Variants in GPHN observed in about 807,000 individuals in gnomAD.
GPHN encodes gephyrin.
GPHN carries 17 observed loss-of-function variants against 95.5 expected under a neutral mutation model. The ratio of observed to expected loss-of-function variants is 0.18; its 90% CI spans 0.12 to 0.27. The LOEUF is 0.27. Among genes scored for constraint, GPHN ranks in the 10% least tolerant of loss-of-function variants. GPHN has a pLI of 1.00. For missense variants in GPHN, 660 were observed against 978.1 expected (o/e 0.67, Z 4.34); for synonymous variants, 320 against 322.5 (o/e 0.99, Z 0.08).
chr14:67,097,228 A>G (rs1311133153), intron 12 of GPHN, among the ~76,000 whole-genome samples: 1 of 152,216 alleles, frequency 6.6e-6, no homozygotes, highest in African/African-American at 2.4e-5. Flanking sequence ...GGAGTCAGAT[A>G]TGACTTCACA....
intron 11 of GPHN, among the ~76,000 whole-genome samples, chr14:67,088,068 T>G (rs2076981914): frequency 6.6e-6 from 1 of 152,212 alleles, no homozygotes; most frequent in African/African-American, 2.4e-5. Flanking sequence ...AGGTTACTAG[T>G]GCTCTTCTTA....
chr14:66,598,867 C>CAGT (rs1470662622), intron 1 of GPHN, among the ~76,000 whole-genome samples: 18 of 149,744 alleles, frequency 1.2e-4, no homozygotes, highest in African/African-American at 3.2e-4. Flanking sequence ...GAAAGAAATT[C>CAGT]AGTAGCCATT....
rs185260724 is a variant in GPHN, at chr14:66,880,912, G to A, written c.389+879G>A. ...AGTGTCAACTTAGTCAGAAACTGTT[G>A]AAGGATTTAATGAACGTTAATTAAT... is the stretch of plus-strand genomic sequence containing the variant. On this transcript the variant is annotated intron_variant, in intron 5 of 22. Transcript: ENST00000478722. Among the ~76,000 whole-genome samples the A allele has an allele frequency of 3.1e-3, 470 of 151,998 alleles. 11 individuals carry two copies. Among genetic ancestry groups the A allele is most frequent in the African/African-American group, 0.011 (445 of 41,504 alleles).
chr14:66,528,148 C>T (rs574095014), intron 1 of GPHN, among the ~76,000 whole-genome samples: 2 of 152,258 alleles, frequency 1.3e-5, no homozygotes, highest in South Asian at 4.2e-4. Context: ...CTGGGTGCTC[C>T]AGTATTGGGT....
chr14:66,731,911 G>A (rs1007042449), intron 2 of GPHN, among the ~76,000 whole-genome samples: 3 of 152,198 alleles, frequency 2.0e-5, no homozygotes, highest in Non-Finnish European at 4.4e-5. Flanking sequence ...ATGGCTAAAA[G>A]GGGCCAAGGT....
At chr14:67,603,881 A>G in the GPHN span, among the ~76,000 whole-genome samples, 1 of 151,574 alleles carries the variant, frequency 6.6e-6, no homozygotes, top group Non-Finnish European at 1.5e-5. Context: ...GGGTTTCTCC[A>G]TGTTGGTCAG....
At chr14:67,720,695 T>G in the GPHN span, 1 of 152,262 alleles carries the variant, frequency 6.6e-6, no homozygotes, top group African/African-American at 2.4e-5. Flanking sequence ...CACCTACCTG[T>G]ACTTAGTAGT....
chr14:67,439,569 C>G, the GPHN span, among the ~76,000 whole-genome samples: 2 of 138,708 alleles, frequency 1.4e-5, no homozygotes, highest in East Asian at 4.2e-4. Flanking sequence ...TTCTTTCTTT[C>G]TTTCTTTCTT....
At chr14:66,542,184 GA>G (rs2059377622) in intron 1 of GPHN, among the ~76,000 whole-genome samples, 1 of 152,132 alleles carries the variant, frequency 6.6e-6, no homozygotes. Flanking sequence ...TATATACGTC[GA>G]GAGGAAAATG....
chr14:67,722,452 G>A, the GPHN span: 1 of 674,296 alleles, frequency 1.5e-6, no homozygotes, highest in Non-Finnish European at 2.7e-6. Context: ...GCTGTGCTCT[G>A]ACAGCTCTTG....
At chr14:67,590,451 C>T in the GPHN span, among the ~76,000 whole-genome samples, 2 of 152,032 alleles carry the variant, frequency 1.3e-5, no homozygotes, top group Non-Finnish European at 2.9e-5. Flanking sequence ...CTCTGCATCC[C>T]GGGTTCAAAT....
At chr14:67,419,414 C>G in the GPHN span, among the ~76,000 whole-genome samples, 254 of 152,236 alleles carry the variant, frequency 1.7e-3, no homozygotes, top group African/African-American at 5.8e-3. Context: ...CCTAAGAGCA[C>G]CATTTACAAC....
chr14:67,306,058 C>T, the GPHN span, among the ~76,000 whole-genome samples: 1 of 152,176 alleles, frequency 6.6e-6, no homozygotes, highest in Non-Finnish European at 1.5e-5. Flanking sequence ...CAACCTCCGC[C>T]TCCCAGAGTC....
intron 1 of GPHN, among the ~76,000 whole-genome samples, chr14:66,572,418 T>G (rs896742848): frequency 6.6e-6 from 1 of 152,128 alleles, no homozygotes; most frequent in African/African-American, 2.4e-5. Context: ...TTAAATTTTT[T>G]TGTGTGCGTG....
At chr14:66,617,529 C>T (rs1015210347) in intron 1 of GPHN, among the ~76,000 whole-genome samples, 21 of 152,180 alleles carry the variant, frequency 1.4e-4, no homozygotes, top group Non-Finnish European at 7.3e-5. Context: ...TCATGGACCA[C>T]ACAAGCTTTC....
At chr14:67,462,497 C>T in the GPHN span, among the ~76,000 whole-genome samples, 4 of 152,162 alleles carry the variant, frequency 2.6e-5, no homozygotes, top group African/African-American at 9.7e-5. Flanking sequence ...AGCCATGAGC[C>T]ACCACACCTG....
chr14:67,726,929 G>A, the GPHN span: 1 of 1,549,882 alleles, frequency 6.5e-7, no homozygotes, highest in Non-Finnish European at 8.9e-7. Flanking sequence ...CCCACATGCT[G>A]AGCCTGGGCT....
chr14:67,121,263 G>T (rs746162584), intron 16 of GPHN, among the ~76,000 whole-genome samples: 12 of 152,072 alleles, frequency 7.9e-5, no homozygotes, highest in Non-Finnish European at 1.5e-4. Flanking sequence ...CCTACTCTTA[G>T]GTATTTTATA....
chr14:67,023,744 G>T (rs2073783096), intron 10 of GPHN, 69 bp downstream of exon 10: 1 of 1,272,646 alleles, frequency 7.9e-7, no homozygotes. Flanking sequence ...ATATTTTGGT[G>T]AAAAAAAAGA....
Sources: allele counts gnomAD v4.1 joint callset (sites outside exome capture counted in the v4.1 genomes callset), GRCh38; gene constraint gnomAD v4.1.1; transcripts MANE v1.5; gene names NCBI Gene and HGNC (gene_info 2026-07-23, HGNC 2026-07-21).